Variants in SLC66A2 observed in about 807,000 individuals in gnomAD.
SLC66A2 encodes the protein PQ loop repeat containing 1.
Under a neutral mutation model 25.5 loss-of-function variants are expected in SLC66A2, and 23 were observed. The ratio of observed to expected loss-of-function variants is 0.90; its 90% CI spans 0.65 to 1.28. The LOEUF is 1.28. Among genes scored for constraint, SLC66A2 ranks in the 50% most tolerant of loss-of-function variants. SLC66A2 has a pLI of 0.00. For synonymous variants in SLC66A2, 193 were observed against 166.5 expected, an observed-to-expected ratio of 1.16 and a Z score of -1.23; for missense variants, 396 against 373.1, an observed-to-expected ratio of 1.06 and a Z score of -0.51.
At position 79,903,824 on chromosome 18, in the gene SLC66A2, T is replaced by G; in HGVS notation, c.*152A>C. The G allele has an allele frequency of 9.4e-6, 4 of 427,676 alleles. No homozygotes were observed. The highest frequency in any genetic ancestry group is 1.3e-5 in the Non-Finnish European group (3 of 239,118). The allele number at this position is 427,676 out of a possible 1,614,324, so 26.5% of individuals were successfully genotyped here. The stretch of plus-strand genomic sequence containing the variant: ...CCAGCCCCACCCCCACTGCCCACCC[T>G]GAGACACCCCACAGAGGCTGATGGA... On this transcript the variant is annotated 3_prime_UTR_variant, in exon 6 of 6. Coordinates refer to ENST00000397778, the MANE Select transcript of SLC66A2 (RefSeq NM_025078.5).
chr18:79,904,029 G>A lies in SLC66A2; in HGVS notation c.763C>T (p.Pro255Ser). ...LGQAYAFARHPQKPAPHAVHP... is the reference protein window; with the variant it reads ...LGQAYAFARHSQKPAPHAVHP... ...ACGGCGTGGGGCGCCGGCTTCTGGGGGTGGCGGGCGAAGGCGTAGGCCTGC... is the reference window on the plus strand; with the variant it reads ...ACGGCGTGGGGCGCCGGCTTCTGGGAGTGGCGGGCGAAGGCGTAGGCCTGC... Residue 255 changes from proline (P) to serine (S), a missense_variant, in exon 6 of 6, where the codon CCC becomes TCC. Transcript: ENST00000397778. The surrounding 1 kb of genome is among the most constrained non-coding windows in gnomAD (Gnocchi z 6.3). The A allele has an allele frequency of 1.2e-6, 2 of 1,606,108 alleles. No homozygotes were observed. Among genetic ancestry groups the A allele is most frequent in the Non-Finnish European group, 1.7e-6 (2 of 1,177,126 alleles).
chr18:79,930,712 G>C (rs868441790), intron 4 of SLC66A2, among the ~76,000 whole-genome samples: 19 of 152,144 alleles, frequency 1.2e-4, no homozygotes, highest in African/African-American at 4.3e-4. Context: ...AACTGTATTA[G>C]AGAAAGAAAA....
chr18:79,905,511 G>A (rs1158194361), intron 5 of SLC66A2, among the ~76,000 whole-genome samples: 2 of 152,222 alleles, frequency 1.3e-5, no homozygotes, highest in Non-Finnish European at 2.9e-5. Flanking sequence ...ACTTGGGGTG[G>A]GGCTCCGGGC....
rs1294943315 is a variant in SLC66A2, at chr18:79,903,184, G to C, written c.*792C>G. On this transcript the variant is annotated 3_prime_UTR_variant, in exon 6 of 6. Transcript: ENST00000397778. ...GTGGCGTGCAGACTGCATGTGCACAGCCTCAGCCCGGCCCCCTCAGCCATT... is the reference window on the plus strand; with the variant it reads ...GTGGCGTGCAGACTGCATGTGCACACCCTCAGCCCGGCCCCCTCAGCCATT... 1.3e-5 allele frequency: 2 copies of C among 152,354 alleles called. No homozygotes were observed. The highest frequency in any genetic ancestry group is 4.8e-5 in the African/African-American group (2 of 41,472). 9.4% of individuals were successfully genotyped at this position (152,354 alleles called of 1,614,324 possible).
chr18:79,946,593 C>T (rs2050933635), intron 2 of SLC66A2, among the ~76,000 whole-genome samples: 1 of 152,188 alleles, frequency 6.6e-6, no homozygotes, highest in African/African-American at 2.4e-5. Context: ...TGCCCATCCA[C>T]AGGGAGAGAC....
At chr18:79,950,578 C>T in intron 2 of SLC66A2, 146 bp downstream of exon 2, 1 of 698,318 alleles carries the variant, frequency 1.4e-6, no homozygotes, top group Non-Finnish European at 2.5e-6. Context: ...GACTTGCCTG[C>T]AGCCACGTAC....
Position 79,925,562 on chromosome 18 carries a change from G to C in SLC66A2, c.392-6162C>G, listed in dbSNP as rs193128412. 2.5e-3 allele frequency among the ~76,000 whole-genome samples: 376 copies of C among 152,310 alleles called. 1 individual carries two copies. The highest frequency in any genetic ancestry group is 8.7e-3 in the African/African-American group (361 of 41,570). Reference sequence around the variant, plus strand: ...CAGCTGATCCTCAGAAGCTTCCGTCGCACGGGCGTGGCTGCCCTCAACTCA... The same window carrying C: ...CAGCTGATCCTCAGAAGCTTCCGTCCCACGGGCGTGGCTGCCCTCAACTCA... On this transcript the variant is annotated intron_variant, in intron 4 of 5. Transcript: ENST00000397778.
rs558667961 is a variant in SLC66A2 at position 79,940,147 on chromosome 18, G to C, written c.337+3182C>G. On this transcript the variant is annotated intron_variant, in intron 3 of 5. Transcript: ENST00000397778. This position sits in a 1 kb window ranked among gnomAD's most constrained non-coding sequence, Gnocchi z 4.1. ...ACACGGGAACAGAAGACCAAATGCC[G>C]CATGTTCTCACGTGTAAGTGGGAGC... Among the ~76,000 whole-genome samples the C allele has an allele frequency of 2.0e-5, 3 of 152,110 alleles. No homozygotes were observed. The highest frequency in any genetic ancestry group is 2.9e-5 in the Non-Finnish European group (2 of 68,024).
intron 3 of SLC66A2, among the ~76,000 whole-genome samples, chr18:79,938,706 T>G (rs973170601): frequency 6.6e-6 from 1 of 152,204 alleles, no homozygotes; most frequent in African/African-American, 2.4e-5. Context: ...AGATGGAGTC[T>G]CACCCTGTGG....
intron 5 of SLC66A2, among the ~76,000 whole-genome samples, chr18:79,913,526 G>T (rs1008284212): frequency 6.6e-6 from 1 of 152,260 alleles, no homozygotes; most frequent in African/African-American, 2.4e-5. Context: ...TTTCTAAAGG[G>T]AAGTCACTGT....
chr18:79,934,653 A>C (rs1599619088), intron 3 of SLC66A2, among the ~76,000 whole-genome samples: 1 of 152,206 alleles, frequency 6.6e-6, no homozygotes, highest in African/African-American at 2.4e-5. Context: ...CAGCCCCAGG[A>C]CAAGACAGCA....
rs1197135072 is a variant in SLC66A2 at position 79,919,377 on chromosome 18, G to A, written c.415C>T (p.Gln139Ter). 6.8e-6 allele frequency: 11 copies of A among 1,612,964 alleles called. No individual in the cohort carries two copies. The highest frequency in any genetic ancestry group is 9.3e-6 in the Non-Finnish European group (11 of 1,179,980). Residue 139 changes from glutamine to a stop codon, truncating the protein, a stop_gained, in exon 5 of 6, where the codon CAG becomes TAG. Transcript: ENST00000397778. LOFTEE classifies it high-confidence loss of function. ...FLDFDPHHFW[Q>*]WSSFSDYVQC... is the part of the protein sequence containing the mutation. ...ACGTAGTCCGAGAAGCTGCTCCACT[G>A]CCAGAAGTGGTGGGGGTCGAAGTCT...
chr18:79,909,300 T>G (rs1982580729), intron 5 of SLC66A2, among the ~76,000 whole-genome samples: 1 of 152,182 alleles, frequency 6.6e-6, no homozygotes, highest in Admixed American at 6.5e-5. Flanking sequence ...ACAATGACAC[T>G]GAGTTCACAA....
At chr18:79,934,237 T>C (rs1444932921) in intron 3 of SLC66A2, among the ~76,000 whole-genome samples, 1 of 151,912 alleles carries the variant, frequency 6.6e-6, no homozygotes, top group Non-Finnish European at 1.5e-5. Flanking sequence ...TCTTCCAATA[T>C]CATAAAAAAG....
In SLC66A2 at chr18:79,940,341, G is replaced by A. The variant is rs545873948; in HGVS notation, c.337+2988C>T. On this transcript the variant is annotated intron_variant, in intron 3 of 5. Transcript: ENST00000397778. The surrounding 1 kb of genome is among the most constrained non-coding windows in gnomAD (Gnocchi z 4.1). Reference sequence around the variant, plus strand: ...ACACTGGCCGGGCGCAGTGGGTCACGCCCGTAATGCCAGCACTTCGGGAGG... The same window carrying A: ...ACACTGGCCGGGCGCAGTGGGTCACACCCGTAATGCCAGCACTTCGGGAGG... Among the ~76,000 whole-genome samples, 5 of 152,154 alleles carry A rather than the reference G, an allele frequency of 3.3e-5. No homozygotes were observed. The highest frequency in any genetic ancestry group is 9.7e-5 in the African/African-American group (4 of 41,438).
intron 5 of SLC66A2, among the ~76,000 whole-genome samples, chr18:79,905,382 C>G (rs1442409465): frequency 6.6e-6 from 1 of 152,226 alleles, no homozygotes; most frequent in Admixed American, 6.5e-5. Context: ...AGGGTGGTGC[C>G]TGGGTAGCAC....
rs760816717 is a variant in SLC66A2 at position 79,943,422 on chromosome 18, C to T, written c.244G>A (p.Ala82Thr). 29 of 1,614,056 alleles carry T rather than the reference C, an allele frequency of 1.8e-5. No individual in the cohort carries two copies. Among genetic ancestry groups the T allele is most frequent in the African/African-American group, 5.3e-5 (4 of 74,948 alleles). The change falls in exon 3 of 6, where the codon GCC becomes ACC. Residue 82 changes from alanine (A) to threonine (T), a missense_variant. By Grantham distance (58) the Ala-to-Thr change is moderately conservative (BLOSUM62 0). Coordinates refer to ENST00000397778, the MANE Select transcript of SLC66A2 (RefSeq NM_025078.5). ...AGCAGCATGGTCAGGATCATGATGG[C>T]GCTCTGCCACAGCAGCGGGGACTCA... is the stretch of plus-strand genomic sequence containing the variant. ...RFESPLLWQSAIMILTMLLML... is the reference protein window; with the variant it reads ...RFESPLLWQSTIMILTMLLML...
intron 5 of SLC66A2, among the ~76,000 whole-genome samples, chr18:79,911,721 A>G (rs895628930): frequency 1.3e-5 from 2 of 152,128 alleles, no homozygotes; most frequent in African/African-American, 4.8e-5. Context: ...TACATCATTT[A>G]GAGGGCAGGG....
chr18:79,934,049 C>G, intron 3 of SLC66A2, 27 bp from the exon 4 acceptor site: 1 of 1,598,090 alleles, frequency 6.3e-7, no homozygotes, highest in Non-Finnish European at 8.6e-7. Flanking sequence ...GAGACAGAAA[C>G]AGAAAGGGGA....
Sources: allele counts gnomAD v4.1 joint callset (sites outside exome capture counted in the v4.1 genomes callset), GRCh38; gene constraint gnomAD v4.1.1; non-coding constraint Gnocchi (gnomAD v3.1); transcripts MANE v1.5; gene names NCBI Gene and HGNC (gene_info 2026-07-23, HGNC 2026-07-21).